Variants in TMEM217 observed in about 807,000 individuals in gnomAD.
TMEM217 encodes chromosome 6 open reading frame 128.
For missense variants in TMEM217, 204 were observed against 248.8 expected (o/e 0.82, Z 1.21); for synonymous variants, 76 against 88.3 (o/e 0.86, Z 0.78).
exon 4 of TMEM217, chr6:37,212,461 G>A (rs1224329): frequency 0.78 from 348,945 of 447,330 alleles, 137,595 homozygotes; most frequent in East Asian, 0.89. Context: ...AGGTAGTCAT[G>A]AGTTCACTGC....
At chr6:37,212,773 G>A, downstream of TMEM217, 4 of 703,334 alleles carry the variant, frequency 5.7e-6, no homozygotes, top group Non-Finnish European at 1.0e-5. Flanking sequence ...GATGATGGTG[G>A]TGAGGGAGAG....
intron 1 of TMEM217, among the ~76,000 whole-genome samples, chr6:37,222,160 A>G (rs747544515): frequency 1.3e-5 from 2 of 152,212 alleles, no homozygotes; most frequent in Non-Finnish European, 2.9e-5. Context: ...AGATTGGTAC[A>G]TCGGGGGCCA....
intron 1 of TMEM217, among the ~76,000 whole-genome samples, chr6:37,252,639 T>TATA (rs1562028033): frequency 3.0e-4 from 13 of 43,218 alleles, no homozygotes; most frequent in South Asian, 1.4e-3. Context: ...ATATATATAT[T>TATA]TTTTTTTTTT....
downstream of TMEM217, chr6:37,212,911 T>G (rs763457597): frequency 4.5e-6 from 7 of 1,547,570 alleles, no homozygotes; most frequent in South Asian, 8.3e-5. Flanking sequence ...GATGAAGAAC[T>G]GGGTGGTATT....
chr6:37,255,409 C>A (rs1005247706), intron 1 of TMEM217, among the ~76,000 whole-genome samples: 7 of 152,014 alleles, frequency 4.6e-5, no homozygotes, highest in African/African-American at 1.7e-4. Flanking sequence ...GGGCAGGGTG[C>A]GATGGCTCCC....
At chr6:37,218,649 G>T (rs781650544) in exon 2 of TMEM217, 1 of 1,614,108 alleles carries the variant, frequency 6.2e-7, no homozygotes, top group Non-Finnish European at 8.5e-7. Flanking sequence ...CCAAACCAGC[G>T]CATGATTCTG....
At chr6:37,230,367 G>T (rs895792800) in intron 1 of TMEM217, among the ~76,000 whole-genome samples, 1 of 152,216 alleles carries the variant, frequency 6.6e-6, no homozygotes, top group Non-Finnish European at 1.5e-5. Flanking sequence ...CATAAGGGCT[G>T]TTATGGGCTG....
intron 1 of TMEM217, among the ~76,000 whole-genome samples, chr6:37,255,595 G>A (rs943436475): frequency 3.3e-5 from 5 of 151,836 alleles, no homozygotes; most frequent in African/African-American, 1.2e-4. Context: ...GATGTGGGAG[G>A]ATTGCTTGAG....
chr6:37,218,158 A>G (rs1763319842), exon 2 of TMEM217: 15 of 1,163,354 alleles, frequency 1.3e-5, no homozygotes, highest in Non-Finnish European at 1.5e-5. Flanking sequence ...AGTGGTGGAT[A>G]AAGCTGCTAA....
chr6:37,216,198 C>T (rs1194505672), downstream of TMEM217, among the ~76,000 whole-genome samples: 1 of 152,118 alleles, frequency 6.6e-6, no homozygotes, highest in Admixed American at 6.5e-5. Context: ...CCTGCCTCAG[C>T]CTCCCGAGTA....
At chr6:37,242,198 G>C (rs116727525) in intron 1 of TMEM217, among the ~76,000 whole-genome samples, 1,533 of 152,188 alleles carry the variant, frequency 0.01, 33 homozygotes, top group African/African-American at 0.035. Context: ...CTATGGCTTA[G>C]AGCTCAGTCC....
chr6:37,215,204 G>A (rs769176223), downstream of TMEM217: 2 of 1,613,650 alleles, frequency 1.2e-6, no homozygotes, highest in Non-Finnish European at 1.7e-6. Context: ...TCACTCAGCA[G>A]ACATCTATTG....
intron 1 of TMEM217, among the ~76,000 whole-genome samples, chr6:37,255,060 G>A (rs1046153155): frequency 3.3e-5 from 5 of 152,086 alleles, no homozygotes; most frequent in African/African-American, 9.7e-5. Flanking sequence ...ATGCCCACCC[G>A]CCACTCACCT....
chr6:37,246,622 G>T (rs184041528), intron 1 of TMEM217, among the ~76,000 whole-genome samples: 276 of 152,194 alleles, frequency 1.8e-3, no homozygotes, highest in African/African-American at 5.4e-3. Flanking sequence ...CATTTCTCAG[G>T]CTGGGCATGG....
chr6:37,212,427 C>T, exon 4 of TMEM217: 1 of 417,136 alleles, frequency 2.4e-6, no homozygotes, highest in Non-Finnish European at 4.8e-6. Context: ...AGTTTAACTT[C>T]CGGTACAACA....
At chr6:37,239,141 A>G (rs934998118) in intron 1 of TMEM217, among the ~76,000 whole-genome samples, 4 of 152,056 alleles carry the variant, frequency 2.6e-5, no homozygotes, top group African/African-American at 9.7e-5. Context: ...AACAAAAACA[A>G]AAGCCGTATG....
At chr6:37,244,042 G>A (rs1303860588) in intron 1 of TMEM217, among the ~76,000 whole-genome samples, 1 of 152,222 alleles carries the variant, frequency 6.6e-6, no homozygotes, top group East Asian at 1.9e-4. Context: ...CAAATTTTGT[G>A]ACCTCTGGAA....
rs9470545 is a variant in TMEM217 at position 37,253,242 on chromosome 6, C to T, written c.-12+4326G>A. ...CACACCATAATTTACATAACTTCTT[C>T]TCATGTTTAAATCTTCATATTCTTT... is the stretch of plus-strand genomic sequence containing the variant. On this transcript the variant is annotated intron_variant, in intron 1 of 1. Transcript: ENST00000357219. Among the ~76,000 whole-genome samples the T allele has an allele frequency of 2.3e-3, 354 of 152,250 alleles. 3 individuals carry two copies. Among genetic ancestry groups the T allele is most frequent in the African/African-American group, 8.3e-3 (343 of 41,536 alleles).
At chr6:37,219,540 A>C (rs1481461758) in intron 1 of TMEM217, among the ~76,000 whole-genome samples, 1 of 152,172 alleles carries the variant, frequency 6.6e-6, no homozygotes, top group Non-Finnish European at 1.5e-5. Flanking sequence ...CAGCAGTTCA[A>C]GACCAGCCTG....
Sources: allele counts gnomAD v4.1 joint callset (sites outside exome capture counted in the v4.1 genomes callset), GRCh38; gene constraint gnomAD v4.1.1; transcripts MANE v1.5; gene names NCBI Gene and HGNC (gene_info 2026-07-23, HGNC 2026-07-21).